Variants in COL28A1 observed in about 807,000 individuals in gnomAD.
COL28A1 encodes the protein collagen alpha-1(XXVIII) chain.
Under a neutral mutation model 150.2 loss-of-function variants are expected in COL28A1, and 161 were observed. The ratio of observed to expected loss-of-function variants is 1.07; its 90% CI spans 0.94 to 1.22. COL28A1 has a LOEUF of 1.22. Ranked by LOEUF, COL28A1 falls within the 50% of genes most tolerant of loss-of-function variation. The pLI, the probability that COL28A1 is intolerant of heterozygous loss-of-function variation, is 0.00. For synonymous variants in COL28A1, 552 were observed against 469.7 expected, an observed-to-expected ratio of 1.18 and a Z score of -2.26; for missense variants, 1,617 against 1,388.3, an observed-to-expected ratio of 1.16 and a Z score of -2.62.
intron 27 of COL28A1, among the ~76,000 whole-genome samples, chr7:7,414,157 C>G (rs1783939825): frequency 6.6e-6 from 1 of 152,202 alleles, no homozygotes; most frequent in Non-Finnish European, 1.5e-5. Flanking sequence ...CCCTCCTGGC[C>G]TCACAATGGC....
At chr7:7,344,685 G>C in the COL28A1 span, among the ~76,000 whole-genome samples, 2 of 151,974 alleles carry the variant, frequency 1.3e-5, no homozygotes, top group South Asian at 4.1e-4. Context: ...TGAGAAATTA[G>C]CATCTAGTGG....
intron 18 of COL28A1, 123 bp from the exon 19 acceptor site, chr7:7,444,612 C>A: frequency 2.2e-6 from 2 of 890,088 alleles, no homozygotes; most frequent in South Asian, 1.8e-5. Context: ...GCAATTAATA[C>A]TAAACTATTT....
intron 11 of COL28A1, among the ~76,000 whole-genome samples, chr7:7,495,627 G>T (rs1780165253): frequency 6.6e-6 from 1 of 152,008 alleles, no homozygotes; most frequent in Non-Finnish European, 1.5e-5. Context: ...CACTCCCTCT[G>T]CCACCATATG....
intron 18 of COL28A1, among the ~76,000 whole-genome samples, chr7:7,449,668 C>A (rs1359181030): frequency 6.6e-6 from 1 of 151,686 alleles, no homozygotes; most frequent in East Asian, 1.9e-4. Flanking sequence ...GATACAAAAT[C>A]AACATGCCAA....
chr7:7,446,713 A>C (rs1219451753), intron 18 of COL28A1, among the ~76,000 whole-genome samples: 1 of 152,228 alleles, frequency 6.6e-6, no homozygotes, highest in Non-Finnish European at 1.5e-5. Flanking sequence ...TTAAGCTTCC[A>C]ATCAAATGCT....
At position 7,476,128 on chromosome 7, in the gene COL28A1, G is replaced by T. The variant is rs561962360; in HGVS notation, c.1233+984C>A. Reference sequence around the variant, plus strand: ...AAGGCCATATCTTAGTCACCTGATGGAATGACTGATGTGGAGGGTCTCAGA... The same window carrying T: ...AAGGCCATATCTTAGTCACCTGATGTAATGACTGATGTGGAGGGTCTCAGA... On this transcript the variant is annotated intron_variant, in intron 14 of 34. Transcript: ENST00000399429. Among the ~76,000 whole-genome samples the T allele has an allele frequency of 3.3e-5, 5 of 152,292 alleles. No individual in the cohort carries two copies. The South Asian group carries it at 1.0e-3, about 32-fold the overall frequency.
intron 8 of COL28A1, among the ~76,000 whole-genome samples, chr7:7,515,157 A>G (rs1364884910): frequency 6.6e-6 from 1 of 152,202 alleles, no homozygotes; most frequent in East Asian, 1.9e-4. Flanking sequence ...AAATCTGATA[A>G]TAACAAGAAC....
At chr7:7,408,708 CTGGATTCTGAAGAA>C (rs1783623053) in intron 27 of COL28A1, among the ~76,000 whole-genome samples, 1 of 152,124 alleles carries the variant, frequency 6.6e-6, no homozygotes, top group African/African-American at 2.4e-5. Flanking sequence ...AATGCAACTC[CTGGATTCTGAAGAA>C]CTGTACTTAG....
At chr7:7,540,418 T>C (rs912325830), upstream of COL28A1, among the ~76,000 whole-genome samples, 1 of 152,246 alleles carries the variant, frequency 6.6e-6, no homozygotes, top group South Asian at 2.1e-4. Flanking sequence ...GGACAAACAA[T>C]AGTGTTAAAT....
At chr7:7,440,377 T>A (rs1431053943) in intron 21 of COL28A1, among the ~76,000 whole-genome samples, 1 of 152,260 alleles carries the variant, frequency 6.6e-6, no homozygotes. Context: ...AAGAGGTTCA[T>A]GGCACAGGAG....
In COL28A1 at chr7:7,460,812, T is replaced by C. The variant is rs573331241; in HGVS notation, c.1303-4700A>G. The stretch of plus-strand genomic sequence containing the variant: ...AACCCAAATAAGTGAGACATTACAA[T>C]AAATAGAAATAACCTAATTTCTCAG... On this transcript the variant is annotated intron_variant, in intron 15 of 34. Coordinates refer to ENST00000399429, the MANE Select transcript of COL28A1 (RefSeq NM_001037763.3). Among the ~76,000 whole-genome samples the C allele has an allele frequency of 2.0e-4, 30 of 152,326 alleles. No homozygotes were observed. The South Asian group carries it at 2.7e-3, about 14-fold the overall frequency.
chr7:7,391,374 G>T (rs764626399), intron 27 of COL28A1, among the ~76,000 whole-genome samples: 4 of 152,090 alleles, frequency 2.6e-5, no homozygotes, highest in Non-Finnish European at 5.9e-5. Context: ...TTTTGCATTT[G>T]CTGAGGAGTG....
At chr7:7,514,016 T>C (rs1255744015) in intron 8 of COL28A1, among the ~76,000 whole-genome samples, 1 of 152,232 alleles carries the variant, frequency 6.6e-6, no homozygotes, top group Non-Finnish European at 1.5e-5. Context: ...TGAATGTCGA[T>C]GGTTCAGGGT....
At chr7:7,510,509 T>G (rs778207232) in intron 9 of COL28A1, among the ~76,000 whole-genome samples, 3 of 152,238 alleles carry the variant, frequency 2.0e-5, no homozygotes, top group Non-Finnish European at 2.9e-5. Flanking sequence ...GGTCTCAAAC[T>G]CCTGACCTCA....
At chr7:7,457,039 G>C (rs10276940) in intron 15 of COL28A1, among the ~76,000 whole-genome samples, 2,254 of 152,282 alleles carry the variant, frequency 0.015, 60 homozygotes, top group African/African-American at 0.051. Flanking sequence ...ACAGCAAGGA[G>C]ACAGTGCGGG....
intron 13 of COL28A1, among the ~76,000 whole-genome samples, chr7:7,478,194 A>G (rs1789083297): frequency 6.6e-6 from 1 of 152,198 alleles, no homozygotes; most frequent in Admixed American, 6.5e-5. Context: ...AGCTAGACAC[A>G]GAGTGCTGAT....
At chr7:7,499,486 G>C (rs1780402761) in intron 11 of COL28A1, among the ~76,000 whole-genome samples, 2 of 152,100 alleles carry the variant, frequency 1.3e-5, no homozygotes, top group Admixed American at 6.6e-5. Flanking sequence ...ACTTAAAACA[G>C]TTTTTTGTTT....
intron 1 of COL28A1, among the ~76,000 whole-genome samples, chr7:7,533,364 A>G (rs1435510031): frequency 3.3e-5 from 5 of 152,114 alleles, no homozygotes; most frequent in African/African-American, 1.2e-4. Flanking sequence ...GTAGAACTGT[A>G]GACAACCACC....
intron 27 of COL28A1, among the ~76,000 whole-genome samples, chr7:7,416,314 A>G (rs1784073425): frequency 1.3e-5 from 2 of 152,216 alleles, no homozygotes; most frequent in South Asian, 4.1e-4. Flanking sequence ...GCATAAGGAG[A>G]GGCAGGAAGC....
Sources: gnomAD v4.1 joint callset for allele counts (sites outside exome capture counted in the v4.1 genomes callset) on GRCh38, gnomAD v4.1.1 for gene constraint, MANE v1.5 for transcripts, NCBI Gene and HGNC (gene_info 2026-07-23, HGNC 2026-07-21) for gene names.